Variants in RGL1 observed in about 807,000 individuals in gnomAD.
RGL1 encodes ral guanine nucleotide dissociation stimulator like 1.
A neutral mutation model predicts 95.2 loss-of-function variants in RGL1; 24 were observed. The ratio of observed to expected loss-of-function variants is 0.25; its 90% CI spans 0.18 to 0.35. The LOEUF (loss-of-function observed/expected upper bound fraction) is 0.35, where lower values mean the gene tolerates loss of function less well. Ranked by LOEUF, RGL1 falls within the 10% of genes least tolerant of loss-of-function variation. The probability of loss-of-function intolerance (pLI) is 1.00; values close to 1 mark genes in which losing one functional copy is unlikely to be tolerated. For missense variants in RGL1, 715 were observed against 936.3 expected (o/e 0.76, Z 3.08); for synonymous variants, 329 against 344.9 (o/e 0.95, Z 0.51).
chr1:183,885,090 GA>G (rs1667041003), intron 7 of RGL1, 152 bp downstream of exon 7: 2 of 688,006 alleles, frequency 2.9e-6, no homozygotes, highest in Non-Finnish European at 2.4e-6. Flanking sequence ...TCCAGAGTAA[GA>G]AAAAAGTTGC....
intron 2 of RGL1, among the ~76,000 whole-genome samples, chr1:183,835,628 A>C (rs1663594307): frequency 6.6e-6 from 1 of 152,150 alleles, no homozygotes; most frequent in Non-Finnish European, 1.5e-5. Flanking sequence ...TGGCACTAAG[A>C]CGTTATTTTT....
intron 2 of RGL1, among the ~76,000 whole-genome samples, chr1:183,845,947 G>T (rs781149816): frequency 1.3e-5 from 2 of 152,256 alleles, no homozygotes; most frequent in Admixed American, 1.3e-4. Context: ...TAGGTTGCCT[G>T]TTCACTCATA....
chr1:183,881,614 T>C (rs1298701982), intron 5 of RGL1, among the ~76,000 whole-genome samples: 2 of 152,168 alleles, frequency 1.3e-5, no homozygotes, highest in African/African-American at 2.4e-5. Flanking sequence ...GGCATTACCC[T>C]GAAGGGATGC....
chr1:183,690,193 C>T (rs1653857100), intron 1 of RGL1, among the ~76,000 whole-genome samples: 1 of 152,096 alleles, frequency 6.6e-6, no homozygotes, highest in African/African-American at 2.4e-5. Flanking sequence ...GCAGTGTTTA[C>T]TCTGGGAGAC....
chr1:183,821,772 A>G (rs940842664), intron 2 of RGL1, among the ~76,000 whole-genome samples: 4 of 152,178 alleles, frequency 2.6e-5, no homozygotes, highest in African/African-American at 7.2e-5. Context: ...CTGGAGTCCA[A>G]GAATGACTTT....
intron 2 of RGL1, among the ~76,000 whole-genome samples, chr1:183,838,159 A>C (rs2102508604): frequency 6.6e-6 from 1 of 152,300 alleles, no homozygotes; most frequent in Non-Finnish European, 1.5e-5. Context: ...AAATCCACTT[A>C]ATATTTAAAT....
intron 1 of RGL1, among the ~76,000 whole-genome samples, chr1:183,703,129 ACCACCT>A (rs1396255114): frequency 6.6e-6 from 1 of 151,858 alleles, no homozygotes; most frequent in African/African-American, 2.4e-5. Context: ...GTTATTCACC[ACCACCT>A]CCCCCCGCCG....
chr1:183,658,462 C>T (rs577469411), intron 1 of RGL1, among the ~76,000 whole-genome samples: 1 of 152,140 alleles, frequency 6.6e-6, no homozygotes, highest in Admixed American at 6.5e-5. Flanking sequence ...ATTGCTAGCA[C>T]AGCAGTCTGA....
chr1:183,869,147 A>G (rs1434322575), intron 4 of RGL1, among the ~76,000 whole-genome samples: 1 of 152,234 alleles, frequency 6.6e-6, no homozygotes, highest in South Asian at 2.1e-4. Context: ...TAATAAAAAA[A>G]TCCAGAGCTT....
At chr1:183,917,648 A>G (rs549852921) in intron 16 of RGL1, among the ~76,000 whole-genome samples, 1 of 152,240 alleles carries the variant, frequency 6.6e-6, no homozygotes, top group African/African-American at 2.4e-5. Context: ...TAGTCATTAG[A>G]TCAGGCTTTG....
At chr1:183,847,300 CA>C (rs1664506850) in intron 2 of RGL1, among the ~76,000 whole-genome samples, 1 of 152,008 alleles carries the variant, frequency 6.6e-6, no homozygotes, top group African/African-American at 2.4e-5. Flanking sequence ...AACAAAAATA[CA>C]AAAATGAGCA....
intron 1 of RGL1, among the ~76,000 whole-genome samples, chr1:183,643,267 TTTA>T (rs1158053597): frequency 2.7e-5 from 3 of 110,500 alleles, no homozygotes; most frequent in African/African-American, 9.0e-5. Context: ...TGTTTTTTTA[TTTA>T]TTTATTTATT....
chr1:183,733,292 G>C (rs1377615543), intron 1 of RGL1, among the ~76,000 whole-genome samples: 1 of 152,188 alleles, frequency 6.6e-6, no homozygotes, highest in East Asian at 1.9e-4. Flanking sequence ...TCAAGCTCAA[G>C]TCTTTGGGAG....
chr1:183,793,224 G>T (rs1385319231), intron 2 of RGL1, among the ~76,000 whole-genome samples: 2 of 152,110 alleles, frequency 1.3e-5, no homozygotes, highest in African/African-American at 2.4e-5. Flanking sequence ...TGTGAAAACT[G>T]GATGTTCATA....
At chr1:183,663,292 A>C (rs1249827556) in intron 1 of RGL1, among the ~76,000 whole-genome samples, 1 of 151,656 alleles carries the variant, frequency 6.6e-6, no homozygotes, top group Non-Finnish European at 1.5e-5. Flanking sequence ...AAAATGGGAG[A>C]AAATTTTCGC....
intron 3 of RGL1, among the ~76,000 whole-genome samples, chr1:183,862,797 C>T (rs894580488): frequency 6.6e-6 from 1 of 152,140 alleles, no homozygotes; most frequent in South Asian, 2.1e-4. Flanking sequence ...GTGCCAGGCA[C>T]TAAAGAGTTG....
At chr1:183,803,060 T>C (rs767801899), upstream of RGL1, among the ~76,000 whole-genome samples, 12 of 152,252 alleles carry the variant, frequency 7.9e-5, no homozygotes, top group Non-Finnish European at 1.8e-4. Flanking sequence ...AATTGCTCTA[T>C]CTAGCATAAA....
chr1:183,740,095 T>C (rs1036677712), intron 1 of RGL1, among the ~76,000 whole-genome samples: 1 of 152,246 alleles, frequency 6.6e-6, no homozygotes, highest in Non-Finnish European at 1.5e-5. Context: ...TTATCTCCAA[T>C]AACAACAATG....
At chr1:183,880,199 C>T (rs1207232947) in intron 4 of RGL1, among the ~76,000 whole-genome samples, 7 of 152,148 alleles carry the variant, frequency 4.6e-5, no homozygotes, top group African/African-American at 9.7e-5. Context: ...TCTGGCCTAC[C>T]GGCAGTCAGT....
Sources: gnomAD v4.1 joint callset for allele counts (sites outside exome capture counted in the v4.1 genomes callset) on GRCh38, gnomAD v4.1.1 for gene constraint, MANE v1.5 for transcripts, NCBI Gene and HGNC (gene_info 2026-07-23, HGNC 2026-07-21) for gene names.